MYO5B: variants seen among roughly 807,000 people sequenced by gnomAD.
MYO5B encodes myosin VB.
MYO5B carries 143 observed loss-of-function variants against 229.3 expected under a neutral mutation model. The observed-to-expected ratio is 0.62, with a 90% CI of 0.54 to 0.72. MYO5B has a LOEUF of 0.72. Among genes scored for constraint, MYO5B ranks in the 30% least tolerant of loss-of-function variants. The pLI is 0.00. For synonymous variants in MYO5B, 918 were observed against 885.2 expected (o/e 1.04, Z -0.66); for missense variants, 2,321 against 2,331.0 (o/e 1.00, Z 0.09).
intron 1 of MYO5B, chr18:50,097,293 A>T (rs772351727): frequency 2.0e-4 from 91 of 456,412 alleles, no homozygotes; most frequent in Middle Eastern, 6.5e-4. Flanking sequence ...TGTGGCTCAC[A>T]TGTGCATCTC....
intron 1 of MYO5B, among the ~76,000 whole-genome samples, chr18:50,119,503 C>A (rs2032022869): frequency 6.6e-6 from 1 of 152,142 alleles, no homozygotes; most frequent in Admixed American, 6.5e-5. Context: ...AATGATCTAT[C>A]CAGTTCGCAT....
chr18:50,030,524 A>C (rs1218871356), intron 4 of MYO5B, among the ~76,000 whole-genome samples: 8 of 147,386 alleles, frequency 5.4e-5, no homozygotes, highest in Admixed American at 5.3e-4. Context: ...CATGCTCTTC[A>C]CACTTATGGG....
chr18:49,877,503 A>T (rs2024539787), intron 25 of MYO5B, among the ~76,000 whole-genome samples: 1 of 152,006 alleles, frequency 6.6e-6, no homozygotes, highest in East Asian at 1.9e-4. Flanking sequence ...TTCAAGAGGA[A>T]TCAGAGATCC....
At chr18:49,886,307 T>C (rs1258073517) in intron 22 of MYO5B, among the ~76,000 whole-genome samples, 1 of 152,216 alleles carries the variant, frequency 6.6e-6, no homozygotes, top group Non-Finnish European at 1.5e-5. Context: ...TTCCCTTCAA[T>C]TCAAGCAGAC....
chr18:49,844,498 CCTT>C (rs2024101282), intron 33 of MYO5B, among the ~76,000 whole-genome samples: 1 of 152,228 alleles, frequency 6.6e-6, no homozygotes, highest in African/African-American at 2.4e-5. Context: ...TCCTTGCAAA[CCTT>C]CTACCAGGCT....
chr18:50,115,523 A>AACACAC (rs111340318), intron 1 of MYO5B, among the ~76,000 whole-genome samples: 34 of 144,808 alleles, frequency 2.3e-4, no homozygotes, highest in Middle Eastern at 3.6e-3. Flanking sequence ...AAATAAATAA[A>AACACAC]ACACACACAC....
At chr18:49,873,491 T>C (rs1275780780) in intron 26 of MYO5B, among the ~76,000 whole-genome samples, 1 of 152,194 alleles carries the variant, frequency 6.6e-6, no homozygotes, top group African/African-American at 2.4e-5. Context: ...TTTCCAGCCC[T>C]GCAATCTGGG....
intron 1 of MYO5B, among the ~76,000 whole-genome samples, chr18:50,110,874 C>T (rs1418260634): frequency 1.3e-5 from 2 of 151,940 alleles, no homozygotes; most frequent in Non-Finnish European, 2.9e-5. Flanking sequence ...CAGGCAAACA[C>T]CTACAGATTC....
At chr18:49,867,963 AG>A (rs1386429589) in intron 27 of MYO5B, among the ~76,000 whole-genome samples, 1 of 152,236 alleles carries the variant, frequency 6.6e-6, no homozygotes, top group African/African-American at 2.4e-5. Context: ...TATTTATAAA[AG>A]TAAAACATGA....
At chr18:49,834,759 C>T (rs1043742693) in intron 39 of MYO5B, among the ~76,000 whole-genome samples, 4 of 152,136 alleles carry the variant, frequency 2.6e-5, no homozygotes, top group African/African-American at 9.7e-5. Flanking sequence ...CTGCCTCAGC[C>T]TCCCGAGTAG....
chr18:50,080,001 T>C (rs1012700728), intron 1 of MYO5B, among the ~76,000 whole-genome samples: 4 of 152,170 alleles, frequency 2.6e-5, no homozygotes, highest in Non-Finnish European at 4.4e-5. Flanking sequence ...TTTAGTTCAA[T>C]TGTGGTAAAT....
chr18:50,103,666 A>T (rs899579389), intron 1 of MYO5B, among the ~76,000 whole-genome samples: 1 of 152,166 alleles, frequency 6.6e-6, no homozygotes, highest in Non-Finnish European at 1.5e-5. Context: ...GCTTGAGCCC[A>T]GCAGTTTGGG....
At chr18:49,894,206 A>G (rs1539926) in intron 22 of MYO5B, among the ~76,000 whole-genome samples, 92,778 of 151,722 alleles carry the variant, frequency 0.61, 28,381 homozygotes, top group Middle Eastern at 0.68. Flanking sequence ...CATCCACTGC[A>G]ACTCCCCATT....
At chr18:49,843,534 A>G in intron 33 of MYO5B, 142 bp from the exon 34 acceptor site, 2 of 1,078,506 alleles carry the variant, frequency 1.9e-6, no homozygotes, top group African/African-American at 1.6e-5. Flanking sequence ...GGATTGGGAG[A>G]GAAGCCACCC....
chr18:50,118,428 G>T (rs1438734867), intron 1 of MYO5B, among the ~76,000 whole-genome samples: 1 of 152,216 alleles, frequency 6.6e-6, no homozygotes, highest in Non-Finnish European at 1.5e-5. Context: ...TAGAAGCCTA[G>T]GTTAGTAGTT....
At chr18:50,077,508 C>T (rs931280562) in intron 1 of MYO5B, among the ~76,000 whole-genome samples, 1 of 112,548 alleles carries the variant, frequency 8.9e-6, no homozygotes, top group African/African-American at 5.3e-5. Flanking sequence ...CACAAACACA[C>T]ACACACACAC....
rs2024025255 is a variant in MYO5B at position 49,839,130 on chromosome 18, T to A, written c.4852+14A>T. 6.2e-7 allele frequency: 1 copy of A among 1,612,660 alleles called. No homozygotes were observed. The highest frequency in any genetic ancestry group is 2.2e-5 in the East Asian group (1 of 44,878). On this transcript the variant is annotated intron_variant, in intron 36 of 39. Coordinates refer to ENST00000285039, the MANE Select transcript of MYO5B (RefSeq NM_001080467.3). The stretch of plus-strand genomic sequence containing the variant: ...ACCATGATGAGTGATGTAGCTCTCC[T>A]GCTGCCAGCTTACCTATCATCGGCT...
chr18:49,922,531 C>T (rs537910691), intron 17 of MYO5B, among the ~76,000 whole-genome samples: 13 of 152,122 alleles, frequency 8.5e-5, no homozygotes, highest in Non-Finnish European at 1.8e-4. Flanking sequence ...CAATACAGTA[C>T]TAACAAAAGT....
intron 1 of MYO5B, among the ~76,000 whole-genome samples, chr18:50,141,532 C>A (rs2032417582): frequency 6.6e-6 from 1 of 152,180 alleles, no homozygotes; most frequent in South Asian, 2.1e-4. Flanking sequence ...CTGGATGAAG[C>A]CAAGAACCCT....
Sources: gnomAD v4.1 joint callset for allele counts (sites outside exome capture counted in the v4.1 genomes callset) on GRCh38, gnomAD v4.1.1 for gene constraint, MANE v1.5 for transcripts, NCBI Gene and HGNC (gene_info 2026-07-23, HGNC 2026-07-21) for gene names.